Variants in SGTB observed in about 807,000 individuals in gnomAD.
SGTB encodes small glutamine-rich tetratricopeptide repeat-containing protein beta.
SGTB carries 19 observed loss-of-function variants against 43.9 expected under a neutral mutation model. That is an observed-to-expected ratio of 0.43 (90% CI 0.30 to 0.63). SGTB has a LOEUF of 0.63. Ranked by LOEUF, SGTB falls within the 30% of genes least tolerant of loss-of-function variation. SGTB has a pLI of 0.12. For missense variants in SGTB, 304 were observed against 358.9 expected (o/e 0.85, Z 1.24); for synonymous variants, 116 against 117.3 (o/e 0.99, Z 0.07).
At chr5:65,696,665 C>T (rs1450348528) in intron 5 of SGTB, among the ~76,000 whole-genome samples, 1 of 152,174 alleles carries the variant, frequency 6.6e-6, no homozygotes, top group Non-Finnish European at 1.5e-5. Flanking sequence ...TAAGATAAGG[C>T]AGAACGTATG....
rs184572743 is a variant in SGTB at position 65,712,664 on chromosome 5, T to C, written c.204+297A>G. ...GGAAACCAAAAAATACTCAGATTCA[T>C]TGAAATGACATTCAAGAAAAAAAAT... On this transcript the variant is annotated intron_variant, in intron 3 of 10. Coordinates refer to ENST00000381007, the MANE Select transcript of SGTB (RefSeq NM_019072.3). 1.4e-4 allele frequency among the ~76,000 whole-genome samples: 21 copies of C among 152,216 alleles called. No homozygotes were observed. The East Asian group carries it at 4.1e-3, about 29-fold the overall frequency.
In SGTB at chr5:65,720,622, A is replaced by G. The variant is rs924441064; in HGVS notation, c.100+86T>C. On this transcript the variant is annotated intron_variant, in intron 2 of 10. Coordinates refer to ENST00000381007, the MANE Select transcript of SGTB (RefSeq NM_019072.3). ...GATCAAAAAAAATTCTGATTATGTT[A>G]CAATAGATCATCAAGTTGGGCTTAC... is the stretch of plus-strand genomic sequence containing the variant. 6 of 1,484,380 alleles carry G rather than the reference A, an allele frequency of 4.0e-6. No homozygotes were observed. The African/African-American group carries it at 8.6e-5, about 21-fold the overall frequency. 92.0% of individuals were successfully genotyped at this position (1,484,380 alleles called of 1,614,324 possible).
chr5:65,686,075 T>G (rs1757492025), intron 5 of SGTB, among the ~76,000 whole-genome samples: 1 of 152,150 alleles, frequency 6.6e-6, no homozygotes, highest in African/African-American at 2.4e-5. Context: ...TGAACTCTCC[T>G]CAATAACGTT....
intron 5 of SGTB, among the ~76,000 whole-genome samples, chr5:65,699,895 A>G (rs1339601330): frequency 6.6e-6 from 1 of 152,258 alleles, no homozygotes; most frequent in Non-Finnish European, 1.5e-5. Context: ...AGATTATAAC[A>G]AGATAGAATT....
At chr5:65,718,692 T>G (rs1758196057) in intron 2 of SGTB, among the ~76,000 whole-genome samples, 1 of 152,122 alleles carries the variant, frequency 6.6e-6, no homozygotes, top group Non-Finnish European at 1.5e-5. Flanking sequence ...GGCAGACACC[T>G]CCACATGATT....
At chr5:65,691,863 G>C (rs960571036) in intron 5 of SGTB, among the ~76,000 whole-genome samples, 2 of 150,992 alleles carry the variant, frequency 1.3e-5, no homozygotes, top group African/African-American at 4.9e-5. Flanking sequence ...CCCGGGAGGC[G>C]GAGCTTGCAG....
chr5:65,693,246 G>GGA (rs1757648146), intron 5 of SGTB, among the ~76,000 whole-genome samples: 1 of 149,202 alleles, frequency 6.7e-6, no homozygotes, highest in Non-Finnish European at 1.5e-5. Flanking sequence ...GAAAGAGAGA[G>GGA]AGGAAGGAAG....
intron 2 of SGTB, among the ~76,000 whole-genome samples, chr5:65,716,055 C>T (rs1439798857): frequency 6.6e-6 from 1 of 152,242 alleles, no homozygotes; most frequent in African/African-American, 2.4e-5. Flanking sequence ...CAGGTGTGAG[C>T]CACCGCACCC....
chr5:65,672,038 ATTC>A (rs1757168593), intron 9 of SGTB, 40 bp from the exon 10 acceptor site: 6 of 1,606,668 alleles, frequency 3.7e-6, no homozygotes, highest in Non-Finnish European at 5.1e-6. Flanking sequence ...ATTGGTATAT[ATTC>A]TTAACAAATA....
Position 65,670,355 on chromosome 5 carries a change from C to T in SGTB, c.806G>A (p.Gly269Glu). Residue 269 changes from glycine to glutamate, a missense_variant and splice_region_variant, in exon 11 of 11, where the codon GGA (glycine) becomes GAA (glutamate). Transcript: ENST00000381007. ...LTDLSSLIQA[G>E]QQFAQQIQQQ... ...CTGTATCTGCTGAGCAAACTGCTGT[C>T]CCCTGTAGTAAAGAGGCAATGTGGT... is the stretch of plus-strand genomic sequence containing the variant. 6.2e-7 allele frequency: 1 copy of T among 1,613,418 alleles called. No homozygotes were observed. The highest frequency in any genetic ancestry group is 8.5e-7 in the Non-Finnish European group (1 of 1,179,444).
At chr5:65,673,661 A>ATTTT (rs71305036) in intron 8 of SGTB, among the ~76,000 whole-genome samples, 79 of 146,988 alleles carry the variant, frequency 5.4e-4, no homozygotes, top group Non-Finnish European at 6.1e-4. Flanking sequence ...CTATAGGGCT[A>ATTTT]TTTTTTTTTT....
chr5:65,693,128 A>C (rs1221330215), intron 5 of SGTB, among the ~76,000 whole-genome samples: 1 of 151,866 alleles, frequency 6.6e-6, no homozygotes, highest in Non-Finnish European at 1.5e-5. Flanking sequence ...TGGAAGGCAG[A>C]GGTTACAGTG....
chr5:65,687,312 G>A (rs1446933991), intron 5 of SGTB, among the ~76,000 whole-genome samples: 1 of 152,184 alleles, frequency 6.6e-6, no homozygotes, highest in Non-Finnish European at 1.5e-5. Flanking sequence ...AAGTTATGCT[G>A]TATAAGGAGC....
At chr5:65,687,930 G>A (rs1272955199) in intron 5 of SGTB, among the ~76,000 whole-genome samples, 4 of 152,042 alleles carry the variant, frequency 2.6e-5, no homozygotes, top group South Asian at 2.1e-4. Context: ...CACCATACCC[G>A]GCTAATTTTC....
intron 6 of SGTB, among the ~76,000 whole-genome samples, chr5:65,683,286 T>C (rs1047915314): frequency 1.3e-5 from 2 of 152,202 alleles, no homozygotes; most frequent in African/African-American, 4.8e-5. Context: ...GAGCATCACC[T>C]TATTCACCCT....
chr5:65,712,992 A>G lies in SGTB; in HGVS notation c.173T>C (p.Leu58Ser). The change falls in exon 3 of 11, where the codon TTG becomes TCG. Residue 58 changes from leucine to serine, a missense_variant. Leu to Ser is a moderately radical substitution (Grantham distance 145). Transcript: ENST00000381007. ...EDTHLAVSQP[L>S]TEMFTSSFCK... is the part of the protein sequence containing the mutation. ...GAAGGAACTGGTAAACATTTCTGTC[A>G]AAGGCTGTGAAACTGCTAGGTGTGT... The G allele has an allele frequency of 6.2e-7, 1 of 1,613,830 alleles. No individual in the cohort carries two copies. The highest frequency in any genetic ancestry group is 8.5e-7 in the Non-Finnish European group (1 of 1,179,858).
At chr5:65,715,416 A>G (rs1192520282) in intron 2 of SGTB, among the ~76,000 whole-genome samples, 1 of 152,238 alleles carries the variant, frequency 6.6e-6, no homozygotes, top group Admixed American at 6.5e-5. Context: ...TTCACATGCT[A>G]TGTACCTGCC....
chr5:65,704,251 C>G, intron 5 of SGTB, 28 bp downstream of exon 5: 2 of 1,497,444 alleles, frequency 1.3e-6, no homozygotes, highest in South Asian at 1.3e-5. Flanking sequence ...TTAAGAATTG[C>G]AAACCTGCCA....
chr5:65,720,896 T>C lies in SGTB; in HGVS notation c.-22-67A>G, dbSNP rs1354765211. ...AGAATCAGTCAGGAAAGTCATAAATTACAAAGATGATATGGGTTATAAAGT... is the reference window on the plus strand; with the variant it reads ...AGAATCAGTCAGGAAAGTCATAAATCACAAAGATGATATGGGTTATAAAGT... On this transcript the variant is annotated intron_variant, in intron 1 of 10. Coordinates refer to ENST00000381007, the MANE Select transcript of SGTB (RefSeq NM_019072.3). 5 of 1,502,166 alleles carry C rather than the reference T, an allele frequency of 3.3e-6. No individual in the cohort carries two copies. The Admixed American group carries it at 6.4e-5, about 19-fold the overall frequency. The allele number at this position is 1,502,166 out of a possible 1,614,324, so 93.1% of individuals were successfully genotyped here. A position where few individuals can be genotyped will look rare whatever the true frequency, so the allele number is the denominator to read the frequency against.
Sources: gnomAD v4.1 joint callset for allele counts (sites outside exome capture counted in the v4.1 genomes callset) on GRCh38, gnomAD v4.1.1 for gene constraint, MANE v1.5 for transcripts, NCBI Gene and HGNC (gene_info 2026-07-23, HGNC 2026-07-21) for gene names.